BCHE: variants seen among roughly 807,000 people sequenced by gnomAD.
BCHE encodes cholinesterase.
In BCHE, 48 loss-of-function variants were observed where a neutral mutation model predicts 51.3. The ratio of observed to expected loss-of-function variants is 0.94; its 90% confidence interval spans 0.74 to 1.19. BCHE has a LOEUF of 1.19. Among genes scored for constraint, BCHE ranks in the 50% most tolerant of loss-of-function variants. The probability of loss-of-function intolerance (pLI) is 0.00; values close to 1 mark genes in which losing one functional copy is unlikely to be tolerated. For missense variants in BCHE, 847 were observed against 708.2 expected, an observed-to-expected ratio of 1.20 and a Z score of -2.23; for synonymous variants, 251 against 238.0, an observed-to-expected ratio of 1.05 and a Z score of -0.50.
rs76850563 is a variant in BCHE at position 165,812,724 on chromosome 3, C to A, written c.1517+16793G>T. On this transcript the variant is annotated intron_variant, in intron 2 of 3. Transcript: ENST00000264381. The stretch of plus-strand genomic sequence containing the variant: ...GGGCTGTATTTTAATGTGGTAGTTT[C>A]TCATAATGAAAAAGGCTTCAATATT... Among the ~76,000 whole-genome samples, 21 of 151,988 alleles carry A rather than the reference C, an allele frequency of 1.4e-4. No homozygotes were observed. The East Asian group carries it at 3.9e-3, about 28-fold the overall frequency.
intron 2 of BCHE, among the ~76,000 whole-genome samples, chr3:165,797,184 CCTTCGTT>C (rs1273201252): frequency 6.0e-5 from 7 of 116,994 alleles, no homozygotes; most frequent in Non-Finnish European, 7.2e-5. Context: ...TTCCTTCCCT[CCTTCGTT>C]CTTCCCTCCC....
chr3:165,802,758 T>C (rs933408604), intron 2 of BCHE, among the ~76,000 whole-genome samples: 1 of 152,190 alleles, frequency 6.6e-6, no homozygotes, highest in African/African-American at 2.4e-5. Flanking sequence ...GTTGTGTTTT[T>C]TGAGACGGAG....
intron 3 of BCHE, among the ~76,000 whole-genome samples, chr3:165,780,491 A>C (rs1712651892): frequency 6.6e-6 from 1 of 152,218 alleles, no homozygotes; most frequent in South Asian, 2.1e-4. Context: ...GAATGAGAGA[A>C]CATTTCTGCA....
Position 165,829,888 on chromosome 3 carries a change from TA to T in BCHE, c.1145del (p.Leu382Ter). ...IITRKEFQEG[L>X]KIFFPGVSEF... ...CACTCACTCCTGGAAAAAATATTTT[TA>T]AACCTTCCTGAAATTCTTTTCTAGT... On this transcript the variant is annotated frameshift_variant, in exon 2 of 4. Coordinates refer to ENST00000264381, the MANE Select transcript of BCHE (RefSeq NM_000055.4). LOFTEE classifies it high-confidence loss of function. 1 of 1,611,544 alleles carries T rather than the reference TA, an allele frequency of 6.2e-7. No individual in the cohort carries two copies. Among genetic ancestry groups the T allele is most frequent in the Non-Finnish European group, 8.5e-7 (1 of 1,179,316 alleles).
At chr3:165,777,737 C>T (rs1411074067) in intron 3 of BCHE, 11 of 445,556 alleles carry the variant, frequency 2.5e-5, no homozygotes, top group Non-Finnish European at 5.0e-5. Flanking sequence ...TCTTCCACCT[C>T]TGTCAATCCA....
At chr3:165,807,961 A>G (rs1713929810) in intron 2 of BCHE, among the ~76,000 whole-genome samples, 1 of 151,472 alleles carries the variant, frequency 6.6e-6, no homozygotes, top group Admixed American at 6.6e-5. Context: ...ACAACCTGGT[A>G]TATTGTTGCT....
At chr3:165,780,504 C>T (rs1252485185) in intron 3 of BCHE, among the ~76,000 whole-genome samples, 2 of 152,170 alleles carry the variant, frequency 1.3e-5, no homozygotes, top group Non-Finnish European at 2.9e-5. Context: ...TTTCTGCAAT[C>T]TATCCATCTG....
chr3:165,827,893 C>T (rs1463637935), intron 2 of BCHE: 2 of 339,252 alleles, frequency 5.9e-6, no homozygotes, highest in East Asian at 8.8e-5. Flanking sequence ...ACCCACATAT[C>T]TTGAAAAGGC....
chr3:165,774,238 A>G (rs1270000250), intron 3 of BCHE, among the ~76,000 whole-genome samples: 3 of 152,202 alleles, frequency 2.0e-5, no homozygotes, highest in Non-Finnish European at 2.9e-5. Context: ...ACCCGCAAAT[A>G]CAAAGGTCAT....
At chr3:165,795,197 TCA>T (rs1713327122) in intron 2 of BCHE, among the ~76,000 whole-genome samples, 2 of 152,186 alleles carry the variant, frequency 1.3e-5, no homozygotes, top group Non-Finnish European at 2.9e-5. Flanking sequence ...CATTGAAAAC[TCA>T]CACTGATTCT....
At chr3:165,808,931 T>G (rs1713975223) in intron 2 of BCHE, among the ~76,000 whole-genome samples, 1 of 152,174 alleles carries the variant, frequency 6.6e-6, no homozygotes, top group African/African-American at 2.4e-5. Context: ...TAATTTTCTC[T>G]CTGGATAAGT....
intron 3 of BCHE, among the ~76,000 whole-genome samples, chr3:165,780,025 T>A (rs776903447): frequency 4.6e-5 from 7 of 152,116 alleles, no homozygotes; most frequent in Admixed American, 3.9e-4. Flanking sequence ...TACAAGGCTA[T>A]AGTAACCAAA....
intron 2 of BCHE, among the ~76,000 whole-genome samples, chr3:165,816,914 T>G (rs573243340): frequency 6.6e-6 from 1 of 152,186 alleles, no homozygotes; most frequent in South Asian, 2.1e-4. Context: ...GATACCAAAT[T>G]TATAGCCCCT....
Position 165,773,353 on chromosome 3 carries a change from A to G in BCHE, c.*29T>C. On this transcript the variant is annotated 3_prime_UTR_variant, in exon 4 of 4. Coordinates refer to ENST00000264381, the MANE Select transcript of BCHE (RefSeq NM_000055.4). ...TATTTTTGCCTTGATCTAAAGGAAA[A>G]TATGTTCTATAAAGGGTAAATCTAT... The G allele has an allele frequency of 6.3e-7, 1 of 1,599,514 alleles. No homozygotes were observed. The highest frequency in any genetic ancestry group is 8.6e-7 in the Non-Finnish European group (1 of 1,169,588).
At position 165,773,341 on chromosome 3, in the gene BCHE, A is replaced by G. The variant is rs1249431665; in HGVS notation, c.*41T>C. On this transcript the variant is annotated 3_prime_UTR_variant, in exon 4 of 4. Transcript: ENST00000264381. ...AAAAGCTCCTGATATTTTTGCCTTG[A>G]TCTAAAGGAAAATATGTTCTATAAA... The G allele has an allele frequency of 6.3e-7, 1 of 1,585,686 alleles. No homozygotes were observed. The highest frequency in any genetic ancestry group is 8.6e-7 in the Non-Finnish European group (1 of 1,160,284).
At position 165,829,647 on chromosome 3, in the gene BCHE, C is replaced by T; in HGVS notation, c.1387G>A (p.Gly463Arg). 2 of 1,613,818 alleles carry T rather than the reference C, an allele frequency of 1.2e-6. No homozygotes were observed. The highest frequency in any genetic ancestry group is 4.5e-5 in the East Asian group (2 of 44,856). Residue 463 changes from glycine (G) to arginine (R), a missense_variant, in exon 2 of 4, where the codon GGA (glycine) becomes AGA (arginine). Physicochemically the swap from Gly to Arg is moderately radical, Grantham distance 125. Transcript: ENST00000264381. ...TCAATTTCATAGCCATGCATCACTCCCATCCATTCTGGCCACGGAAGTTTG... is the reference window on the plus strand; with the variant it reads ...TCAATTTCATAGCCATGCATCACTCTCATCCATTCTGGCCACGGAAGTTTG... ...SSKLPWPEWM[G>R]VMHGYEIEFV...
At position 165,836,974 on chromosome 3, in the gene BCHE, A is replaced by G. The variant is rs186094501; in HGVS notation, c.-9+340T>C. On this transcript the variant is annotated intron_variant, in intron 1 of 3. Transcript: ENST00000264381. ...GAGAGATTCAATAAACAATGCATTT[A>G]AGGGTAAGCCAGTATGAAATGTTTT... Among the ~76,000 whole-genome samples, 3 of 152,346 alleles carry G rather than the reference A, an allele frequency of 2.0e-5. No homozygotes were observed. In the East Asian group the frequency reaches 5.8e-4, roughly 29 times the overall value.
At chr3:165,805,304 G>A (rs990016615) in intron 2 of BCHE, among the ~76,000 whole-genome samples, 3 of 152,118 alleles carry the variant, frequency 2.0e-5, no homozygotes, top group African/African-American at 7.2e-5. Flanking sequence ...GATCAGTCAG[G>A]CATCAGTGTA....
chr3:165,800,031 G>A lies in BCHE; in HGVS notation c.1518-13720C>T, dbSNP rs576419478. Among the ~76,000 whole-genome samples the A allele has an allele frequency of 2.4e-3, 239 of 97,770 alleles. 3 individuals carry two copies. The highest frequency in any genetic ancestry group is 0.013 in the Middle Eastern group (2 of 156). The allele number at this position is 97,770 out of a possible 152,430, so 64.1% of individuals were successfully genotyped here. On this transcript the variant is annotated intron_variant, in intron 2 of 3. Coordinates refer to ENST00000264381, the MANE Select transcript of BCHE (RefSeq NM_000055.4). ...TTTCTCATGGAACTACTTTATTAGC[G>A]TGCAATTAGAAGTATTTTATAATCA...
Sources: allele counts gnomAD v4.1 joint callset (sites outside exome capture counted in the v4.1 genomes callset), GRCh38; gene constraint gnomAD v4.1.1; transcripts MANE v1.5; gene names NCBI Gene and HGNC (gene_info 2026-07-23, HGNC 2026-07-21).